SEMA3A: variants seen among roughly 807,000 people sequenced by gnomAD.
SEMA3A encodes the protein semaphorin-3A.
In SEMA3A, 29 loss-of-function variants were observed where a neutral mutation model predicts 97.9. That is an observed-to-expected ratio of 0.30 (90% confidence interval 0.22 to 0.40). The LOEUF is 0.40. Ranked by LOEUF, SEMA3A falls within the 10% of genes least tolerant of loss-of-function variation. The pLI, the probability that SEMA3A is intolerant of heterozygous loss-of-function variation, is 1.00. For synonymous variants in SEMA3A, 321 were observed against 323.7 expected, an observed-to-expected ratio of 0.99 and a Z score of 0.09; for missense variants, 763 against 951.3, an observed-to-expected ratio of 0.80 and a Z score of 2.60.
At chr7:84,382,573 A>C (rs1170075357) in intron 1 of SEMA3A, among the ~76,000 whole-genome samples, 1 of 151,108 alleles carries the variant, frequency 6.6e-6, no homozygotes, top group East Asian at 2.0e-4. Flanking sequence ...GTTGTGTATG[A>C]ATTGGCCTGG....
rs1795982036 is a variant in SEMA3A, at chr7:84,132,179, CTGTT to C, written c.270+2611_270+2614del. Among the ~76,000 whole-genome samples the C allele has an allele frequency of 2.0e-5, 3 of 152,058 alleles. No homozygotes were observed. The South Asian group carries it at 6.2e-4, about 32-fold the overall frequency. On this transcript the variant is annotated intron_variant, in intron 2 of 16. Transcript: ENST00000265362. Reference sequence around the variant, plus strand: ...ATGTGATATAATTAAAATAAATAATCTGTTTGTAATAGGATGTTTTTAAAATTAG... The same window carrying C: ...ATGTGATATAATTAAAATAAATAATCTGTAATAGGATGTTTTTAAAATTAG...
intron 1 of SEMA3A, among the ~76,000 whole-genome samples, chr7:84,166,958 T>C (rs1797231544): frequency 6.6e-6 from 1 of 151,342 alleles, no homozygotes; most frequent in Non-Finnish European, 1.5e-5. Context: ...GTATTCTATA[T>C]AAATTTGTGC....
At chr7:84,334,638 C>T (rs1801992313) in intron 2 of SEMA3A, among the ~76,000 whole-genome samples, 1 of 151,352 alleles carries the variant, frequency 6.6e-6, no homozygotes, top group Non-Finnish European at 1.5e-5. Context: ...ATTTCTCCCC[C>T]AACCTGCTGC....
At chr7:84,009,518 A>C (rs1790792991) in intron 9 of SEMA3A, among the ~76,000 whole-genome samples, 1 of 152,198 alleles carries the variant, frequency 6.6e-6, no homozygotes, top group Non-Finnish European at 1.5e-5. Flanking sequence ...CTTTGCTATC[A>C]AAGTTACTTG....
intron 4 of SEMA3A, among the ~76,000 whole-genome samples, chr7:84,099,825 T>G (rs1397943740): frequency 6.6e-6 from 1 of 152,102 alleles, no homozygotes; most frequent in Non-Finnish European, 1.5e-5. Flanking sequence ...CTACTGAACT[T>G]TTGCTATAGC....
chr7:84,132,901 C>T (rs957132958), intron 2 of SEMA3A, among the ~76,000 whole-genome samples: 3 of 151,968 alleles, frequency 2.0e-5, no homozygotes, highest in African/African-American at 7.2e-5. Flanking sequence ...TCTTGAACTC[C>T]TGACCTCAGG....
chr7:84,404,002 G>A lies in SEMA3A; in HGVS notation c.-245-32102C>T, dbSNP rs184884134. The stretch of plus-strand genomic sequence containing the variant: ...ATCAGAGCGCCTCTCCTCCTCCAAC[G>A]GAACACAGCTCCTCACCAGCAACAG... On this transcript the variant is annotated intron_variant, in intron 1 of 3. Coordinates refer to the SEMA3A transcript ENST00000424555. Among the ~76,000 whole-genome samples, 303 of 152,246 alleles carry A rather than the reference G, an allele frequency of 2.0e-3. 1 individual carries two copies. Among genetic ancestry groups the A allele is most frequent in the African/African-American group, 7.0e-3 (290 of 41,556 alleles).
intron 2 of SEMA3A, among the ~76,000 whole-genome samples, chr7:84,134,064 A>AAAC (rs907648576): frequency 2.8e-4 from 43 of 151,944 alleles, no homozygotes; most frequent in Admixed American, 4.6e-4. Flanking sequence ...CCATCTCAAA[A>AAAC]AACAACAACA....
chr7:84,354,502 A>G (rs1802510546), intron 2 of SEMA3A, among the ~76,000 whole-genome samples: 1 of 151,550 alleles, frequency 6.6e-6, no homozygotes, highest in Non-Finnish European at 1.5e-5. Context: ...CATTTTGAAT[A>G]GATTATTTTA....
At chr7:84,397,380 G>A (rs1475256124) in intron 1 of SEMA3A, among the ~76,000 whole-genome samples, 1 of 147,070 alleles carries the variant, frequency 6.8e-6, no homozygotes, top group Non-Finnish European at 1.5e-5. Context: ...CCAAAACAAA[G>A]CAAAACAAAA....
At chr7:84,399,049 A>C (rs1448539002) in intron 1 of SEMA3A, among the ~76,000 whole-genome samples, 1 of 152,160 alleles carries the variant, frequency 6.6e-6, no homozygotes, top group African/African-American at 2.4e-5. Flanking sequence ...TTGGAAGAAC[A>C]GTCTTGAACA....
intron 1 of SEMA3A, among the ~76,000 whole-genome samples, chr7:84,441,225 T>A (rs958857979): frequency 6.6e-6 from 1 of 151,610 alleles, no homozygotes. Context: ...AAAGATCTTA[T>A]AACAGACCTA....
At chr7:84,249,872 T>C (rs1412277225) in intron 3 of SEMA3A, among the ~76,000 whole-genome samples, 1 of 150,612 alleles carries the variant, frequency 6.6e-6, no homozygotes, top group Non-Finnish European at 1.5e-5. Context: ...ATTATTTACA[T>C]AAAATAAAAT....
chr7:84,030,087 C>T (rs1451584735), intron 6 of SEMA3A, among the ~76,000 whole-genome samples: 1 of 152,060 alleles, frequency 6.6e-6, no homozygotes. Flanking sequence ...GTAATTAAAA[C>T]ATTTTTCTAC....
intron 2 of SEMA3A, among the ~76,000 whole-genome samples, chr7:84,362,294 A>G (rs1462843728): frequency 1.3e-5 from 2 of 152,034 alleles, no homozygotes. Context: ...AAAATAGCAA[A>G]AATAACAGTA....
At chr7:84,156,956 T>G (rs2116148314) in intron 1 of SEMA3A, among the ~76,000 whole-genome samples, 1 of 152,274 alleles carries the variant, frequency 6.6e-6, no homozygotes, top group Middle Eastern at 3.4e-3. Flanking sequence ...TGTCTATTAT[T>G]CATGCCAGCA....
chr7:84,473,308 G>A (rs1333829398), intron 1 of SEMA3A, among the ~76,000 whole-genome samples: 1 of 150,172 alleles, frequency 6.7e-6, no homozygotes, highest in Non-Finnish European at 1.5e-5. Context: ...TTATTCACAG[G>A]AACAAAGAAT....
intron 1 of SEMA3A, among the ~76,000 whole-genome samples, chr7:84,442,597 A>C (rs541144408): frequency 6.6e-6 from 1 of 152,256 alleles, no homozygotes; most frequent in African/African-American, 2.4e-5. Flanking sequence ...ATAGTAAAAT[A>C]GCAGAAATCT....
chr7:84,167,466 A>T (rs891594759), intron 1 of SEMA3A, among the ~76,000 whole-genome samples: 2 of 152,208 alleles, frequency 1.3e-5, no homozygotes, highest in Non-Finnish European at 2.9e-5. Context: ...TTTGTTATTG[A>T]ATCCTATCTG....
Sources: allele counts gnomAD v4.1 joint callset (sites outside exome capture counted in the v4.1 genomes callset), GRCh38; gene constraint gnomAD v4.1.1; transcripts MANE v1.5; gene names NCBI Gene and HGNC (gene_info 2026-07-23, HGNC 2026-07-21).